TBC1D22A: variants seen among roughly 807,000 people sequenced by gnomAD.
The protein encoded by TBC1D22A is putative GTPase activator.
Under a neutral mutation model 60.2 loss-of-function variants are expected in TBC1D22A, and 38 were observed. The observed-to-expected ratio is 0.63, with a 90% CI of 0.49 to 0.83. The LOEUF (loss-of-function observed/expected upper bound fraction) is 0.83. TBC1D22A is among the 40% of genes least tolerant of loss of function. The probability of loss-of-function intolerance (pLI) is 0.00; values close to 1 mark genes in which losing one functional copy is unlikely to be tolerated. For synonymous variants in TBC1D22A, 302 were observed against 281.7 expected (o/e 1.07, Z -0.72); for missense variants, 628 against 701.0 (o/e 0.90, Z 1.18).
At chr22:46,869,500 G>T (rs565102369) in intron 4 of TBC1D22A, among the ~76,000 whole-genome samples, 1 of 152,332 alleles carries the variant, frequency 6.6e-6, no homozygotes, top group South Asian at 2.1e-4. Context: ...TGTGTGGGTG[G>T]ACTCGGTCTG....
chr22:47,119,231 T>G (rs2066182561), intron 12 of TBC1D22A, among the ~76,000 whole-genome samples: 1 of 152,240 alleles, frequency 6.6e-6, no homozygotes, highest in Non-Finnish European at 1.5e-5. Flanking sequence ...TAAATATGAT[T>G]CTAAGGCCAG....
intron 8 of TBC1D22A, among the ~76,000 whole-genome samples, chr22:46,920,463 G>A (rs999018967): frequency 2.0e-5 from 3 of 152,188 alleles, no homozygotes; most frequent in Non-Finnish European, 4.4e-5. Flanking sequence ...GGGATATATG[G>A]AAAGGTAAAA....
chr22:46,850,307 C>T (rs562005261), intron 4 of TBC1D22A, among the ~76,000 whole-genome samples: 2 of 152,100 alleles, frequency 1.3e-5, no homozygotes, highest in Non-Finnish European at 2.9e-5. Context: ...TTGTCATGCA[C>T]CTGATGCCAG....
At chr22:47,031,525 C>T (rs1727468013) in intron 10 of TBC1D22A, among the ~76,000 whole-genome samples, 1 of 152,226 alleles carries the variant, frequency 6.6e-6, no homozygotes, top group African/African-American at 2.4e-5. Context: ...GGTGCTCTTG[C>T]AGATGTACTG....
intron 11 of TBC1D22A, among the ~76,000 whole-genome samples, chr22:47,081,225 G>A (rs747196666): frequency 4.0e-5 from 6 of 151,770 alleles, no homozygotes; most frequent in Non-Finnish European, 7.4e-5. Flanking sequence ...GACTGACCAC[G>A]TTAACAGAAT....
chr22:46,974,417 C>G lies in TBC1D22A; in HGVS notation c.1125+18C>G, dbSNP rs558950293. 3 of 1,590,906 alleles carry G rather than the reference C, an allele frequency of 1.9e-6. No homozygotes were observed. The African/African-American group carries it at 4.0e-5, about 21-fold the overall frequency. The stretch of plus-strand genomic sequence containing the variant: ...GCATTCAGGTGAGCGCCCGCGCCCA[C>G]GGGACACAGCCCACGCCCACAGCCC... On this transcript the variant is annotated intron_variant, in intron 9 of 12. Transcript: ENST00000337137.
At chr22:46,932,720 C>CTTGTTTTT (rs2071422181) in intron 8 of TBC1D22A, among the ~76,000 whole-genome samples, 1 of 66,322 alleles carries the variant, frequency 1.5e-5, no homozygotes, top group African/African-American at 6.8e-5. Flanking sequence ...GTCCTTCTTG[C>CTTGTTTTT]TTTTTTTTTT....
chr22:47,071,890 C>T (rs1362617914), intron 11 of TBC1D22A, among the ~76,000 whole-genome samples: 3 of 152,108 alleles, frequency 2.0e-5, no homozygotes, highest in South Asian at 2.1e-4. Flanking sequence ...GATGATAAAA[C>T]GTGTGGTGTG....
At chr22:46,781,015 G>C (rs1403890165) in intron 1 of TBC1D22A, among the ~76,000 whole-genome samples, 1 of 152,120 alleles carries the variant, frequency 6.6e-6, no homozygotes, top group African/African-American at 2.4e-5. Context: ...GTTGATGTCA[G>C]GGACCCATTC....
At chr22:47,086,994 A>T (rs1457397059) in intron 11 of TBC1D22A, among the ~76,000 whole-genome samples, 1 of 152,228 alleles carries the variant, frequency 6.6e-6, no homozygotes, top group African/African-American at 2.4e-5. Context: ...GCCACCCCGC[A>T]ACTGGAGTTC....
chr22:46,791,451 G>A (rs528870616), intron 1 of TBC1D22A, among the ~76,000 whole-genome samples: 2 of 151,982 alleles, frequency 1.3e-5, no homozygotes, highest in African/African-American at 2.4e-5. Context: ...ACTCACGCAC[G>A]ATGGCTGAGG....
rs73468796 is a variant in TBC1D22A, at chr22:46,855,820, T to C, written c.638-22833T>C. Among the ~76,000 whole-genome samples the C allele has an allele frequency of 2.4e-3, 361 of 152,324 alleles. 1 individual carries two copies. Among genetic ancestry groups the C allele is most frequent in the African/African-American group, 8.2e-3 (340 of 41,566 alleles). On this transcript the variant is annotated intron_variant, in intron 4 of 12. Transcript: ENST00000337137. Reference sequence around the variant, plus strand: ...TTCTTCTATGCTTCTGTGCGTTTTATTTGAAATTATATGTAGGGGACTGTG... The same window carrying C: ...TTCTTCTATGCTTCTGTGCGTTTTACTTGAAATTATATGTAGGGGACTGTG...
At chr22:46,986,223 C>T (rs1277768694) in intron 9 of TBC1D22A, among the ~76,000 whole-genome samples, 2 of 152,184 alleles carry the variant, frequency 1.3e-5, no homozygotes, top group African/African-American at 2.4e-5. Flanking sequence ...GTGTCTGTTT[C>T]GGGACACACT....
At chr22:47,011,719 G>A (rs921564273) in intron 10 of TBC1D22A, among the ~76,000 whole-genome samples, 5 of 152,298 alleles carry the variant, frequency 3.3e-5, no homozygotes, top group African/African-American at 1.2e-4. Context: ...GTCTCCAGAT[G>A]TTTATGATTT....
chr22:46,979,652 C>T (rs930625400), intron 9 of TBC1D22A, among the ~76,000 whole-genome samples: 3 of 152,176 alleles, frequency 2.0e-5, no homozygotes, highest in African/African-American at 7.2e-5. Flanking sequence ...GTGAAACAGC[C>T]TTTTGCTTTC....
In TBC1D22A at chr22:47,003,176, C is replaced by A. The variant is rs144801077; in HGVS notation, c.1201+5467C>A. On this transcript the variant is annotated intron_variant, in intron 10 of 12. Coordinates refer to ENST00000337137, the MANE Select transcript of TBC1D22A (RefSeq NM_014346.5). ...TGAACAATTTTTTAATATAAGTATG[C>A]CCTGAGCAGTGTTTGGCACACACTG... Among the ~76,000 whole-genome samples, 766 of 152,124 alleles carry A rather than the reference C, an allele frequency of 5.0e-3. 7 individuals are homozygous for A. The highest frequency in any genetic ancestry group is 0.018 in the African/African-American group (728 of 41,466).
Position 46,913,654 on chromosome 22 carries a change from A to G in TBC1D22A, c.1015+1466A>G, listed in dbSNP as rs1033055893. 8.1e-6 allele frequency: 8 copies of G among 985,464 alleles called. 1 individual carries two copies. The Middle Eastern group carries it at 2.6e-3, about 322-fold the overall frequency. The allele number at this position is 985,464 out of a possible 1,614,324, so 61.0% of individuals were successfully genotyped here. ...TAATGAAAATGCTCTTAATGATCCT[A>G]GAACAGTAGGACCTCTGTCAGTAGA... is the stretch of plus-strand genomic sequence containing the variant. On this transcript the variant is annotated intron_variant, in intron 8 of 12. Coordinates refer to ENST00000337137, the MANE Select transcript of TBC1D22A (RefSeq NM_014346.5).
chr22:47,094,696 G>T (rs761712774), intron 11 of TBC1D22A, among the ~76,000 whole-genome samples: 5 of 152,156 alleles, frequency 3.3e-5, no homozygotes, highest in Non-Finnish European at 7.3e-5. Context: ...GTTCAGTATA[G>T]TTTATGTCTT....
chr22:47,060,238 C>CTTTTTTTTT (rs3884803), intron 11 of TBC1D22A, among the ~76,000 whole-genome samples: 26 of 111,646 alleles, frequency 2.3e-4, no homozygotes, highest in African/African-American at 7.2e-4. Context: ...GGGTTTCTGA[C>CTTTTTTTTT]TTTTTTTTTT....
Sources: allele counts gnomAD v4.1 joint callset (sites outside exome capture counted in the v4.1 genomes callset), GRCh38; gene constraint gnomAD v4.1.1; transcripts MANE v1.5; gene names NCBI Gene and HGNC (gene_info 2026-07-23, HGNC 2026-07-21).